Variants in TPST1 observed in about 807,000 individuals in gnomAD.
TPST1 encodes the protein tyrosylprotein sulfotransferase 1.
A neutral mutation model predicts 34.8 loss-of-function variants in TPST1; 20 were observed. That is an observed-to-expected ratio of 0.57 (90% confidence interval 0.40 to 0.84). The LOEUF (loss-of-function observed/expected upper bound fraction) is 0.84. TPST1 is among the 40% of genes least tolerant of loss of function. The probability of loss-of-function intolerance (pLI) is 0.00; values close to 1 mark genes in which losing one functional copy is unlikely to be tolerated. For synonymous variants in TPST1, 152 were observed against 159.4 expected, an observed-to-expected ratio of 0.95 and a Z score of 0.35; for missense variants, 353 against 455.5, an observed-to-expected ratio of 0.78 and a Z score of 2.05.
chr7:66,255,601 A>G (rs1300193859), intron 2 of TPST1, among the ~76,000 whole-genome samples: 1 of 152,214 alleles, frequency 6.6e-6, no homozygotes, highest in Non-Finnish European at 1.5e-5. Context: ...ACTAAAGTAG[A>G]GGTTCCCAAA....
intron 2 of TPST1, among the ~76,000 whole-genome samples, chr7:66,281,994 GCT>G (rs1491424969): frequency 6.6e-6 from 1 of 152,114 alleles, no homozygotes; most frequent in East Asian, 1.9e-4. Context: ...GGGAGAACTT[GCT>G]GAGTCACAGA....
chr7:66,294,751 A>G (rs1447929521), intron 3 of TPST1, among the ~76,000 whole-genome samples: 2 of 151,976 alleles, frequency 1.3e-5, no homozygotes, highest in Non-Finnish European at 2.9e-5. Flanking sequence ...TTATTTACAC[A>G]TATTATTCTT....
chr7:66,327,568 C>G (rs143931258), intron 3 of TPST1, among the ~76,000 whole-genome samples: 212 of 151,882 alleles, frequency 1.4e-3, no homozygotes, highest in African/African-American at 5.0e-3. Context: ...ATAAAAAATA[C>G]AAAAATTAGC....
chr7:66,210,331 G>T (rs550186152), intron 1 of TPST1, among the ~76,000 whole-genome samples: 1 of 152,196 alleles, frequency 6.6e-6, no homozygotes, highest in African/African-American at 2.4e-5. Flanking sequence ...CCAGGAAATC[G>T]CCTGAGAGAG....
intron 2 of TPST1, among the ~76,000 whole-genome samples, chr7:66,274,345 C>A (rs1231238315): frequency 1.3e-5 from 2 of 149,564 alleles, no homozygotes; most frequent in East Asian, 3.9e-4. Flanking sequence ...CCAGCCTGGG[C>A]GACAGAGTGA....
chr7:66,241,335 A>G, intron 2 of TPST1, 65 bp downstream of exon 2: 2 of 1,521,270 alleles, frequency 1.3e-6, no homozygotes, highest in Non-Finnish European at 1.8e-6. Context: ...ATACATATGT[A>G]TGTATGTGTT....
chr7:66,217,023 T>A (rs1789432823), intron 1 of TPST1, among the ~76,000 whole-genome samples: 1 of 152,210 alleles, frequency 6.6e-6, no homozygotes, highest in Admixed American at 6.5e-5. Flanking sequence ...GGTTATTGTT[T>A]TTTAATTTTA....
intron 5 of TPST1, among the ~76,000 whole-genome samples, chr7:66,357,125 A>C (rs1223427016): frequency 1.3e-5 from 2 of 152,224 alleles, no homozygotes; most frequent in African/African-American, 4.8e-5. Flanking sequence ...CCTGGCTCAT[A>C]ATAAGCGCAC....
intron 3 of TPST1, among the ~76,000 whole-genome samples, chr7:66,308,617 C>T (rs749882546): frequency 6.6e-5 from 10 of 152,200 alleles, no homozygotes; most frequent in East Asian, 1.9e-4. Context: ...TGTCATGAAG[C>T]GTCACCAGTT....
At chr7:66,245,284 T>G (rs1472587134) in intron 2 of TPST1, among the ~76,000 whole-genome samples, 4 of 152,186 alleles carry the variant, frequency 2.6e-5, no homozygotes, top group African/African-American at 7.2e-5. Flanking sequence ...AGATTGGACT[T>G]AACTCTGAAT....
intron 3 of TPST1, among the ~76,000 whole-genome samples, chr7:66,306,651 C>T (rs532959796): frequency 6.6e-6 from 1 of 152,142 alleles, no homozygotes; most frequent in African/African-American, 2.4e-5. Context: ...CTTTTTACTT[C>T]CCTCCACAAT....
intron 3 of TPST1, among the ~76,000 whole-genome samples, chr7:66,327,454 G>A (rs1330508797): frequency 6.6e-6 from 1 of 152,132 alleles, no homozygotes; most frequent in Non-Finnish European, 1.5e-5. Context: ...TGGGTGCAGT[G>A]GTTCACGCCT....
chr7:66,314,030 G>T (rs1478996706), intron 3 of TPST1, among the ~76,000 whole-genome samples: 1 of 152,024 alleles, frequency 6.6e-6, no homozygotes, highest in African/African-American at 2.4e-5. Context: ...CTCATTCTGG[G>T]TTTGTCTGAT....
At chr7:66,318,848 A>G (rs1425697372) in intron 3 of TPST1, among the ~76,000 whole-genome samples, 1 of 152,160 alleles carries the variant, frequency 6.6e-6, no homozygotes, top group Non-Finnish European at 1.5e-5. Context: ...CTAATTCTTG[A>G]AATGTTGTTT....
At position 66,205,381 on chromosome 7, in the gene TPST1, T is replaced by A. The variant is rs1236368971; in HGVS notation, c.-243T>A. ...GTTGCGGGTCGGAACGGCGCTGCTC[T>A]GCGGGGCCGGTCCAGGCTGGCAGCT... On this transcript the variant is annotated 5_prime_UTR_variant, in exon 1 of 6. Coordinates refer to ENST00000304842, the MANE Select transcript of TPST1 (RefSeq NM_003596.4). This position sits in a 1 kb window ranked among gnomAD's most constrained non-coding sequence, Gnocchi z 5.0. 1 of 152,270 alleles carries A rather than the reference T, an allele frequency of 6.6e-6. No homozygotes were observed. The highest frequency in any genetic ancestry group is 2.4e-5 in the African/African-American group (1 of 41,444). The allele number at this position is 152,270 out of a possible 1,614,324, so 9.4% of individuals were successfully genotyped here.
intron 2 of TPST1, among the ~76,000 whole-genome samples, chr7:66,283,581 CAT>C (rs1362784518): frequency 3.3e-5 from 5 of 152,106 alleles, no homozygotes; most frequent in African/African-American, 1.2e-4. Context: ...TCAGATTTCA[CAT>C]GATTTTCATG....
chr7:66,286,411 A>G, intron 2 of TPST1, 100 bp from the exon 3 acceptor site: 1 of 927,710 alleles, frequency 1.1e-6, no homozygotes, highest in Non-Finnish European at 1.4e-6. Context: ...TTTGTAATCC[A>G]GACAACTGTT....
chr7:66,327,760 C>T lies in TPST1; in HGVS notation c.1045-24745C>T, dbSNP rs184069255. On this transcript the variant is annotated intron_variant, in intron 3 of 5. Coordinates refer to ENST00000304842, the MANE Select transcript of TPST1 (RefSeq NM_003596.4). ...AAGTGCGTGTGTGTGTGTGTATGTA[C>T]GTTGAAGAAAACTATGAGAAAAAGC... Among the ~76,000 whole-genome samples the T allele has an allele frequency of 3.4e-4, 50 of 148,858 alleles. No individual in the cohort carries two copies. The South Asian group carries it at 3.6e-3, about 11-fold the overall frequency.
In TPST1 at chr7:66,286,731, A is replaced by G. The variant is rs746295999; in HGVS notation, c.1044+22A>G. 10 of 1,449,368 alleles carry G rather than the reference A, an allele frequency of 6.9e-6. No individual in the cohort carries two copies. In the South Asian group the frequency reaches 1.7e-4, roughly 24 times the overall value. The allele number at this position is 1,449,368 out of a possible 1,614,324, so 89.8% of individuals were successfully genotyped here. ...AAGGGTAAGTGAGATTTTTTAAAGC[A>G]ACTGAGAAAACTAGATTTTGAATTT... On this transcript the variant is annotated intron_variant, in intron 3 of 5. Coordinates refer to ENST00000304842, the MANE Select transcript of TPST1 (RefSeq NM_003596.4).
Sources: allele counts gnomAD v4.1 joint callset (sites outside exome capture counted in the v4.1 genomes callset), GRCh38; gene constraint gnomAD v4.1.1; non-coding constraint Gnocchi (gnomAD v3.1); transcripts MANE v1.5; gene names NCBI Gene and HGNC (gene_info 2026-07-23, HGNC 2026-07-21).